FBXW12: variants seen among roughly 807,000 people sequenced by gnomAD.
FBXW12 encodes F-box and WD repeat domain containing 12.
FBXW12 carries 43 observed loss-of-function variants against 55.3 expected under a neutral mutation model. That is an observed-to-expected ratio of 0.78 (90% CI 0.61 to 1.00). The LOEUF (loss-of-function observed/expected upper bound fraction) is 1.00, where lower values mean the gene tolerates loss of function less well. Among genes scored for constraint, FBXW12 ranks in the 50% least tolerant of loss-of-function variants. FBXW12 has a pLI of 0.00. For synonymous variants in FBXW12, 184 were observed against 203.8 expected, an observed-to-expected ratio of 0.90 and a Z score of 0.83; for missense variants, 524 against 560.5, an observed-to-expected ratio of 0.93 and a Z score of 0.66.
chr3:48,375,871 T>G (rs1160158949), intron 5 of FBXW12, among the ~76,000 whole-genome samples: 3 of 152,026 alleles, frequency 2.0e-5, no homozygotes, highest in African/African-American at 7.2e-5. Context: ...CAGACAGGGT[T>G]TCACCATGTT....
At chr3:48,373,208 C>A (rs1211064411) in intron 2 of FBXW12, 100 bp from the exon 3 acceptor site, 1 of 1,570,148 alleles carries the variant, frequency 6.4e-7, no homozygotes, top group East Asian at 2.3e-5. Flanking sequence ...ATCTGATTAA[C>A]CTGTGCGGGC....
chr3:48,387,635 C>T (rs935194945), intron 10 of FBXW12, among the ~76,000 whole-genome samples: 2 of 152,092 alleles, frequency 1.3e-5, no homozygotes, highest in Admixed American at 1.3e-4. Flanking sequence ...ACAACCTCTG[C>T]CTTCTGGGCT....
intron 4 of FBXW12, among the ~76,000 whole-genome samples, chr3:48,374,782 TTTTTAA>T (rs1253184727): frequency 1.8e-4 from 25 of 141,576 alleles, no homozygotes; most frequent in South Asian, 4.7e-4. Flanking sequence ...TTTTTTTTTT[TTTTTAA>T]AAACAGAGTC....
chr3:48,372,473 G>A (rs1029482878), intron 1 of FBXW12, among the ~76,000 whole-genome samples, 153 bp downstream of exon 1: 6 of 152,168 alleles, frequency 3.9e-5, no homozygotes, highest in African/African-American at 1.4e-4. Context: ...GGCTGCCCCA[G>A]GTTCTGCACC....
In FBXW12 at chr3:48,372,778, GA is replaced by G; in HGVS notation, c.12del (p.Leu5CysfsTer4). On this transcript the variant is annotated frameshift_variant, in exon 2 of 11. Transcript: ENST00000296438. LOFTEE classifies it high-confidence loss of function. MEI[R>X]LPDLALKRIF... ...TTCAGGCCGCATGAAATGGAGATCC[GA>G]TTGCCTGACTTAGCTTTGAAGCGAA... The G allele has an allele frequency of 6.2e-7, 1 of 1,614,208 alleles. No individual in the cohort carries two copies. The highest frequency in any genetic ancestry group is 8.5e-7 in the Non-Finnish European group (1 of 1,180,016).
At position 48,383,516 on chromosome 3, in the gene FBXW12, T is replaced by C. The variant is rs1335753309; in HGVS notation, c.1295+1431T>C. Among the ~76,000 whole-genome samples the C allele has an allele frequency of 5.9e-5, 9 of 152,332 alleles. No homozygotes were observed. The South Asian group carries it at 1.9e-3, about 32-fold the overall frequency. On this transcript the variant is annotated intron_variant, in intron 10 of 10. Transcript: ENST00000296438. ...TTTATCAGATAAGGGTTTGCAAATA[T>C]TTTCTCCCACTCTGGTTTGTCTTTC...
chr3:48,378,486 G>T lies in FBXW12; in HGVS notation c.575G>T (p.Cys192Phe). 3.7e-6 allele frequency: 6 copies of T among 1,614,028 alleles called. No homozygotes were observed. The highest frequency in any genetic ancestry group is 5.1e-6 in the Non-Finnish European group (6 of 1,180,014). The change falls in exon 6 of 11, where the codon TGC (cysteine) becomes TTC (phenylalanine). Residue 192 changes from cysteine to phenylalanine, a missense_variant. Coordinates refer to ENST00000296438, the MANE Select transcript of FBXW12 (RefSeq NM_207102.2). The part of the protein sequence containing the change: ...AVLPMPQPCY[C>F]MEAYLTKDGP... Reference sequence around the variant, plus strand: ...CTCCCCATGCCACAGCCCTGTTATTGCATGGAAGCCTATCTTACAAAGGAT... The same window carrying T: ...CTCCCCATGCCACAGCCCTGTTATTTCATGGAAGCCTATCTTACAAAGGAT...
At chr3:48,378,613 C>CTTT (rs749717436) in intron 6 of FBXW12, 87 bp downstream of exon 6, 569 of 585,496 alleles carry the variant, frequency 9.7e-4, no homozygotes, top group East Asian at 2.6e-3. Context: ...TGTCCTATCC[C>CTTT]TTTTTTTTTT....
chr3:48,394,574 T>C lies in FBXW12; in HGVS notation c.1310T>C (p.Val437Ala), dbSNP rs759608940. 30 of 1,598,130 alleles carry C rather than the reference T, an allele frequency of 1.9e-5. No homozygotes were observed. The Admixed American group carries it at 5.0e-4, about 27-fold the overall frequency. ...DHTTDSCISS[V>A]MCDNASIVLR... ...TCCATTGACAGCTGCATCTCCAGTGTGATGTGTGATAATGCAAGCATAGTA... is the reference window on the plus strand; with the variant it reads ...TCCATTGACAGCTGCATCTCCAGTGCGATGTGTGATAATGCAAGCATAGTA... The change falls in exon 11 of 11, where the codon GTG becomes GCG. Residue 437 changes from valine (V) to alanine (A), a missense_variant. Val to Ala is a moderately conservative substitution (Grantham distance 64, BLOSUM62 0). Coordinates refer to ENST00000296438, the MANE Select transcript of FBXW12 (RefSeq NM_207102.2).
chr3:48,391,042 A>G (rs1378392650), intron 10 of FBXW12, among the ~76,000 whole-genome samples: 7 of 148,826 alleles, frequency 4.7e-5, no homozygotes, highest in Non-Finnish European at 1.0e-4. Context: ...GGCTGAGGCA[A>G]GATGATCACT....
intron 7 of FBXW12, 82 bp downstream of exon 7, chr3:48,379,640 A>T: frequency 8.5e-7 from 1 of 1,177,786 alleles, no homozygotes; most frequent in Non-Finnish European, 1.3e-6. Flanking sequence ...GAGCTCAGTG[A>T]GGACCAGGCA....
Position 48,380,741 on chromosome 3 carries a change from A to G in FBXW12, c.814A>G (p.Ser272Gly). The G allele has an allele frequency of 6.2e-7, 1 of 1,614,118 alleles. No individual in the cohort carries two copies. Among genetic ancestry groups the G allele is most frequent in the South Asian group, 1.1e-5 (1 of 91,074 alleles). The change falls in exon 8 of 11, where the codon AGT (serine) becomes GGT (glycine). Residue 272 changes from serine to glycine, a missense_variant. Transcript: ENST00000296438. ...GTCCTTACTGAGACCATCAGAAGGCAGTGTTCCTCTGTCTACCTTTCTCCC... is the reference window on the plus strand; with the variant it reads ...GTCCTTACTGAGACCATCAGAAGGCGGTGTTCCTCTGTCTACCTTTCTCCC... ...TESLLRPSEG[S>G]VPLSTFLPHK...
At position 48,387,001 on chromosome 3, in the gene FBXW12, G is replaced by T. The variant is rs542682268; in HGVS notation, c.1295+4916G>T. ...CCTCCAGGCTGGAGTGCAATGGCAT[G>T]ATCTTGGCTCACTGCAACCTCCACC... On this transcript the variant is annotated intron_variant, in intron 10 of 10. Transcript: ENST00000296438. 2.0e-5 allele frequency among the ~76,000 whole-genome samples: 3 copies of T among 150,078 alleles called. No individual in the cohort carries two copies. In the South Asian group the frequency reaches 6.3e-4, roughly 32 times the overall value.
At position 48,381,871 on chromosome 3, in the gene FBXW12, TC is replaced by T. The variant is rs2036780815; in HGVS notation, c.1158del (p.Trp387GlyfsTer51). On this transcript the variant is annotated frameshift_variant, in exon 9 of 11. Transcript: ENST00000296438. LOFTEE classifies it high-confidence loss of function. ...FEDHQAAINNFWVDPCYVLTT... is the reference protein window; with the variant it reads ...FEDHQAAINNXWVDPCYVLTT... ...GACCATCAGGCAGCCATCAACAACT[TC>T]TGGGTGGTATGTATGATTCTCCTCC... The T allele has an allele frequency of 1.2e-6, 2 of 1,608,628 alleles. No homozygotes were observed. The highest frequency in any genetic ancestry group is 4.5e-5 in the East Asian group (2 of 44,758).
At chr3:48,381,124 G>T (rs1412145778) in intron 8 of FBXW12, among the ~76,000 whole-genome samples, 1 of 150,626 alleles carries the variant, frequency 6.6e-6, no homozygotes. Context: ...CTGGGTTCAC[G>T]ACATTCTCCC....
At position 48,380,572 on chromosome 3, in the gene FBXW12, C is replaced by T. The variant is rs1258909540; in HGVS notation, c.775-130C>T. 23 of 670,614 alleles carry T rather than the reference C, an allele frequency of 3.4e-5. No individual in the cohort carries two copies. The Admixed American group carries it at 5.4e-4, about 16-fold the overall frequency. 41.5% of individuals were successfully genotyped at this position (670,614 alleles called of 1,614,324 possible). On this transcript the variant is annotated intron_variant, in intron 7 of 10. Transcript: ENST00000296438. ...GGAGTGATAAGCAGTGACCACTCAT[C>T]ACTCCTGAGATATTGAACAAAGCTT...
intron 10 of FBXW12, among the ~76,000 whole-genome samples, chr3:48,391,301 A>G (rs1017138274): frequency 8.8e-5 from 12 of 136,658 alleles, no homozygotes; most frequent in Admixed American, 6.5e-4. Flanking sequence ...TAAAAAATAC[A>G]TATTATATCT....
intron 5 of FBXW12, 91 bp downstream of exon 5, chr3:48,375,563 G>A (rs1316218539): frequency 2.7e-6 from 2 of 746,752 alleles, no homozygotes; most frequent in Non-Finnish European, 4.4e-6. Flanking sequence ...GAAAATATTC[G>A]GAAGTGGTAA....
At chr3:48,373,803 T>A (rs1198784596) in intron 4 of FBXW12, 98 bp downstream of exon 4, 31 of 1,170,958 alleles carry the variant, frequency 2.6e-5, no homozygotes, top group Non-Finnish European at 3.8e-5. Flanking sequence ...TCTCATTCAG[T>A]AAAGGGAAAA....
Sources: gnomAD v4.1 joint callset for allele counts (sites outside exome capture counted in the v4.1 genomes callset) on GRCh38, gnomAD v4.1.1 for gene constraint, MANE v1.5 for transcripts, NCBI Gene and HGNC (gene_info 2026-07-23, HGNC 2026-07-21) for gene names.